The following DTL variants were observed in gnomAD, a reference collection of about 807,000 sequenced individuals.
DTL encodes denticleless E3 ubiquitin protein ligase adapter.
In DTL, 46 loss-of-function variants were observed where a neutral mutation model predicts 87.0. That is an observed-to-expected ratio of 0.53 (90% CI 0.42 to 0.68). The LOEUF (loss-of-function observed/expected upper bound fraction) is 0.68, where lower values mean the gene tolerates loss of function less well. DTL is among the 30% of genes least tolerant of loss of function. DTL has a pLI of 0.00. For synonymous variants in DTL, 308 were observed against 311.2 expected (o/e 0.99, Z 0.11); for missense variants, 737 against 869.4 (o/e 0.85, Z 1.91).
At chr1:212,087,609 G>A (rs1355319008) in intron 13 of DTL, among the ~76,000 whole-genome samples, 1 of 152,026 alleles carries the variant, frequency 6.6e-6, no homozygotes, top group African/African-American at 2.4e-5. Flanking sequence ...CAGAGTAAGA[G>A]TTATGCCTAG....
At chr1:212,048,053 CAT>C (rs1667858177) in intron 5 of DTL, among the ~76,000 whole-genome samples, 1 of 152,202 alleles carries the variant, frequency 6.6e-6, no homozygotes, top group South Asian at 2.1e-4. Context: ...ACTGGGCACT[CAT>C]TAACTATTTG....
intron 13 of DTL, among the ~76,000 whole-genome samples, chr1:212,091,951 T>C (rs1049216040): frequency 1.3e-5 from 2 of 152,210 alleles, no homozygotes; most frequent in Non-Finnish European, 2.9e-5. Context: ...ATAGTATATA[T>C]ATAGTGATCT....
At chr1:212,097,196 C>G (rs571049834) in intron 13 of DTL, among the ~76,000 whole-genome samples, 1 of 152,328 alleles carries the variant, frequency 6.6e-6, no homozygotes, top group Admixed American at 6.5e-5. Flanking sequence ...TTTATCCCCT[C>G]TAGCTTGTAG....
chr1:212,044,751 C>A lies in DTL; in HGVS notation c.270C>A (p.Cys90Ter). ...NTESQSFRKK[C>*]FKEWMAHWNA... ...AATCACAAAGTTTCAGAAAGAAGTGCTTCAAAGGTAAGTCTAGGTCTACAA... is the reference window on the plus strand; with the variant it reads ...AATCACAAAGTTTCAGAAAGAAGTGATTCAAAGGTAAGTCTAGGTCTACAA... Residue 90 changes from cysteine (C) to a stop codon, truncating the protein, a stop_gained, in exon 3 of 15, where the codon TGC becomes TGA. Coordinates refer to ENST00000366991, the MANE Select transcript of DTL (RefSeq NM_016448.4). LOFTEE classifies it high-confidence loss of function. 6.2e-7 allele frequency: 1 copy of A among 1,607,108 alleles called. No individual in the cohort carries two copies. Among genetic ancestry groups the A allele is most frequent in the Non-Finnish European group, 8.5e-7 (1 of 1,175,148 alleles).
intron 3 of DTL, 102 bp from the exon 4 acceptor site, chr1:212,047,049 A>T: frequency 1.0e-6 from 1 of 997,746 alleles, no homozygotes; most frequent in Non-Finnish European, 1.5e-6. Flanking sequence ...TCAACTACTG[A>T]TCTTTTTACT....
Position 212,043,124 on chromosome 1 carries a change from A to G in DTL, c.178+6A>G, listed in dbSNP as rs1558070015. On this transcript the variant is annotated splice_donor_region_variant and intron_variant, in intron 2 of 14. Transcript: ENST00000366991. The stretch of plus-strand genomic sequence containing the variant: ...TGGATGTACCTTCTCTTCTGGTAAG[A>G]GAATTACTATCTAGGCAAGGCTTGG... 4 of 1,609,416 alleles carry G rather than the reference A, an allele frequency of 2.5e-6. No individual in the cohort carries two copies. Among genetic ancestry groups the G allele is most frequent in the Non-Finnish European group, 3.4e-6 (4 of 1,178,246 alleles).
chr1:212,063,249 A>C (rs1654388813), intron 6 of DTL, among the ~76,000 whole-genome samples: 1 of 151,584 alleles, frequency 6.6e-6, no homozygotes, highest in African/African-American at 2.4e-5. Context: ...TCACTGGTAA[A>C]TGTCTTTATT....
chr1:212,071,011 G>A (rs1654654352), intron 10 of DTL, among the ~76,000 whole-genome samples: 1 of 152,188 alleles, frequency 6.6e-6, no homozygotes, highest in East Asian at 1.9e-4. Flanking sequence ...ACAATGTTCA[G>A]AATAAAGGAG....
chr1:212,084,493 T>A (rs972229445), intron 13 of DTL, among the ~76,000 whole-genome samples: 1 of 152,058 alleles, frequency 6.6e-6, no homozygotes, highest in African/African-American at 2.4e-5. Context: ...GCCCTAAAAA[T>A]TTTTTTTCAT....
Position 212,104,612 on chromosome 1 carries a change from A to G in DTL, c.*1672A>G, listed in dbSNP as rs970009160. The G allele has an allele frequency of 2.0e-5, 3 of 152,176 alleles. No individual in the cohort carries two copies. Among genetic ancestry groups the G allele is most frequent in the African/African-American group, 7.2e-5 (3 of 41,448 alleles). The allele number at this position is 152,176 out of a possible 1,614,324, so 9.4% of individuals were successfully genotyped here. A position where few individuals can be genotyped will look rare whatever the true frequency, so the allele number is the denominator to read the frequency against. On this transcript the variant is annotated 3_prime_UTR_variant, in exon 15 of 15. Coordinates refer to ENST00000366991, the MANE Select transcript of DTL (RefSeq NM_016448.4). The stretch of plus-strand genomic sequence containing the variant: ...AATCCATGAAAAAAAAAAGATTGAT[A>G]AAGTAGATGATTTTGTTTGTATCCC...
intron 13 of DTL, among the ~76,000 whole-genome samples, chr1:212,087,223 C>T (rs1331286662): frequency 1.3e-5 from 2 of 152,138 alleles, no homozygotes; most frequent in Admixed American, 6.5e-5. Flanking sequence ...AACACATGCT[C>T]AGAACCACTC....
intron 13 of DTL, among the ~76,000 whole-genome samples, chr1:212,081,548 G>T (rs913572421): frequency 6.6e-6 from 1 of 152,244 alleles, no homozygotes; most frequent in East Asian, 1.9e-4. Context: ...AGGATAAATT[G>T]TAAGGGGGTC....
At chr1:212,072,529 C>T (rs1654706218) in intron 11 of DTL, among the ~76,000 whole-genome samples, 1 of 152,174 alleles carries the variant, frequency 6.6e-6, no homozygotes, top group South Asian at 2.1e-4. Context: ...ACATGCTATA[C>T]TGACTTTCTG....
At chr1:212,102,319 G>A (rs558320616) in intron 14 of DTL, among the ~76,000 whole-genome samples, 1 of 151,848 alleles carries the variant, frequency 6.6e-6, no homozygotes, top group South Asian at 2.1e-4. Flanking sequence ...TCAGCTATGT[G>A]TTAGCAGAAA....
chr1:212,057,082 C>A (rs144888738), intron 5 of DTL, among the ~76,000 whole-genome samples: 1 of 152,142 alleles, frequency 6.6e-6, no homozygotes, highest in African/African-American at 2.4e-5. Context: ...GCCTATTTAA[C>A]AAAATAATAG....
chr1:212,043,009 C>A lies in DTL; in HGVS notation c.69C>A (p.Tyr23Ter). Residue 23 changes from tyrosine to a stop codon, truncating the protein, a stop_gained, in exon 2 of 15, where the codon TAC becomes TAA. Coordinates refer to ENST00000366991, the MANE Select transcript of DTL (RefSeq NM_016448.4). LOFTEE classifies it high-confidence loss of function. The stretch of plus-strand genomic sequence containing the variant: ...TTGTTTTAGGATGGTCTTCACAATA[C>A]CCTCTTCAATCCCTTCTGACTGGTT... ...GVLRNGWSSQ[Y>*]PLQSLLTGYQ... 1 of 1,609,004 alleles carries A rather than the reference C, an allele frequency of 6.2e-7. No homozygotes were observed. The highest frequency in any genetic ancestry group is 8.5e-7 in the Non-Finnish European group (1 of 1,177,786).
At chr1:212,096,560 G>A (rs927718654) in intron 13 of DTL, among the ~76,000 whole-genome samples, 1 of 152,100 alleles carries the variant, frequency 6.6e-6, no homozygotes, top group African/African-American at 2.4e-5. Flanking sequence ...TAGAGGTTTT[G>A]TTAGGTTGTG....
chr1:212,094,603 T>C (rs1236772213), intron 13 of DTL, among the ~76,000 whole-genome samples: 2 of 152,236 alleles, frequency 1.3e-5, no homozygotes, highest in African/African-American at 4.8e-5. Context: ...TGGTTCCATA[T>C]GACTTTTCAG....
intron 9 of DTL, 74 bp downstream of exon 9, chr1:212,068,401 T>G: frequency 9.9e-7 from 1 of 1,010,048 alleles, no homozygotes. Flanking sequence ...TAATTTCCAG[T>G]AACATTGATA....
Sources: gnomAD v4.1 joint callset for allele counts (sites outside exome capture counted in the v4.1 genomes callset) on GRCh38, gnomAD v4.1.1 for gene constraint, MANE v1.5 for transcripts, NCBI Gene and HGNC (gene_info 2026-07-23, HGNC 2026-07-21) for gene names.